PTPRK: variants seen among roughly 807,000 people sequenced by gnomAD.
The protein encoded by PTPRK is receptor-type tyrosine-protein phosphatase kappa.
In PTPRK, 75 loss-of-function variants were observed where a neutral mutation model predicts 178.0. The observed-to-expected ratio is 0.42, with a 90% confidence interval of 0.35 to 0.51. PTPRK has a LOEUF of 0.51. PTPRK is among the 20% of genes least tolerant of loss of function. PTPRK has a pLI of 0.02. For synonymous variants in PTPRK, 637 were observed against 620.6 expected (o/e 1.03, Z -0.39); for missense variants, 1,441 against 1,797.8 (o/e 0.80, Z 3.59).
In PTPRK at chr6:128,071,671, CT is replaced by C. The variant is rs796286472; in HGVS notation, c.1884-3880del. On this transcript the variant is annotated intron_variant, in intron 11 of 29. Coordinates refer to ENST00000368226, the MANE Select transcript of PTPRK (RefSeq NM_002844.4). The stretch of plus-strand genomic sequence containing the variant: ...CATCACTTTGTGCATCTATTTCTAC[CT>C]TTTTTCATGCCCATTGAAGAGGCAT... Among the ~76,000 whole-genome samples, 12 of 152,068 alleles carry C rather than the reference CT, an allele frequency of 7.9e-5. No homozygotes were observed. In the East Asian group the frequency reaches 2.1e-3, roughly 27 times the overall value.
At chr6:128,012,902 C>A (rs566123513) in intron 13 of PTPRK, among the ~76,000 whole-genome samples, 1 of 151,168 alleles carries the variant, frequency 6.6e-6, no homozygotes, top group South Asian at 2.1e-4. Context: ...CAAATCCTCC[C>A]GGCATTTCAT....
At chr6:128,278,026 A>G (rs1371839457) in intron 3 of PTPRK, among the ~76,000 whole-genome samples, 3 of 152,208 alleles carry the variant, frequency 2.0e-5, no homozygotes, top group African/African-American at 7.2e-5. Context: ...GTGAAATTCT[A>G]TTGACATTTT....
intron 21 of PTPRK, among the ~76,000 whole-genome samples, chr6:127,988,432 T>C (rs1248848150): frequency 3.3e-5 from 5 of 151,682 alleles, no homozygotes; most frequent in Admixed American, 6.6e-5. Flanking sequence ...GCCTTCCAAG[T>C]ACATTATGCT....
At chr6:128,054,407 T>C (rs914237444) in intron 13 of PTPRK, among the ~76,000 whole-genome samples, 3 of 152,256 alleles carry the variant, frequency 2.0e-5, no homozygotes, top group Non-Finnish European at 4.4e-5. Context: ...ATGTCTCACA[T>C]GTACTTTACT....
chr6:128,486,536 G>T (rs1193222347), intron 1 of PTPRK, among the ~76,000 whole-genome samples: 3 of 152,144 alleles, frequency 2.0e-5, no homozygotes, highest in Non-Finnish European at 4.4e-5. Context: ...AGGCAAGGTG[G>T]TTCATGCCTG....
At chr6:128,431,170 T>G (rs1844794246) in intron 1 of PTPRK, among the ~76,000 whole-genome samples, 1 of 152,028 alleles carries the variant, frequency 6.6e-6, no homozygotes, top group African/African-American at 2.4e-5. Flanking sequence ...ACTCCAGACC[T>G]CAAGTGATCC....
intron 3 of PTPRK, among the ~76,000 whole-genome samples, chr6:128,270,383 T>C (rs1374886765): frequency 1.3e-5 from 2 of 152,086 alleles, no homozygotes; most frequent in Non-Finnish European, 2.9e-5. Flanking sequence ...TTAAATAGAA[T>C]TCCAAATGCT....
At chr6:128,157,439 T>C (rs1798093694) in intron 7 of PTPRK, among the ~76,000 whole-genome samples, 1 of 152,012 alleles carries the variant, frequency 6.6e-6, no homozygotes, top group African/African-American at 2.4e-5. Context: ...CACAAACCTA[T>C]AAAGAATAAC....
intron 1 of PTPRK, among the ~76,000 whole-genome samples, chr6:128,408,991 TC>T (rs1299690247): frequency 6.6e-6 from 1 of 152,076 alleles, no homozygotes; most frequent in African/African-American, 2.4e-5. Flanking sequence ...AATAAAAAGA[TC>T]CAAATATGTT....
rs1245693340 is a variant in PTPRK, at chr6:128,058,329, T to C, written c.2194+6429A>G. Among the ~76,000 whole-genome samples the C allele has an allele frequency of 2.6e-5, 4 of 152,218 alleles. No homozygotes were observed. In the East Asian group the frequency reaches 7.7e-4, roughly 29 times the overall value. On this transcript the variant is annotated intron_variant, in intron 13 of 29. Coordinates refer to ENST00000368226, the MANE Select transcript of PTPRK (RefSeq NM_002844.4). ...ACATCCTTCTTAAGACTTGGTATTT[T>C]CTACACTTTTTCATTTTACTAATTT...
chr6:128,083,669 A>G, intron 9 of PTPRK, 46 bp downstream of exon 9: 2 of 1,176,700 alleles, frequency 1.7e-6, no homozygotes, highest in Admixed American at 2.1e-5. Flanking sequence ...TCTTCCTTTT[A>G]GTCCTTCAAT....
At chr6:128,494,645 G>A (rs1413260572) in intron 1 of PTPRK, among the ~76,000 whole-genome samples, 4 of 152,234 alleles carry the variant, frequency 2.6e-5, no homozygotes, top group Non-Finnish European at 4.4e-5. Flanking sequence ...TTATCTTGAC[G>A]CTTTGGGAAG....
chr6:128,124,446 C>T (rs1417681628), intron 7 of PTPRK, among the ~76,000 whole-genome samples: 2 of 152,160 alleles, frequency 1.3e-5, no homozygotes, highest in Non-Finnish European at 2.9e-5. Context: ...ATTCACATTT[C>T]TGCCATGTAA....
At chr6:128,486,528 G>T (rs1852912293) in intron 1 of PTPRK, among the ~76,000 whole-genome samples, 1 of 152,156 alleles carries the variant, frequency 6.6e-6, no homozygotes, top group Non-Finnish European at 1.5e-5. Flanking sequence ...ATATGGCCAG[G>T]CAAGGTGGTT....
chr6:128,278,077 G>A (rs998870256), intron 3 of PTPRK, among the ~76,000 whole-genome samples: 4 of 151,952 alleles, frequency 2.6e-5, no homozygotes, highest in Admixed American at 2.0e-4. Flanking sequence ...AAAGCTAGTA[G>A]TACCATAAAA....
intron 1 of PTPRK, among the ~76,000 whole-genome samples, chr6:128,457,072 G>T (rs1010859761): frequency 6.6e-6 from 1 of 151,942 alleles, no homozygotes; most frequent in Non-Finnish European, 1.5e-5. Flanking sequence ...CAATGTTTCC[G>T]CATTATGACT....
chr6:128,170,225 G>C (rs1216815418), intron 7 of PTPRK, among the ~76,000 whole-genome samples: 1 of 151,994 alleles, frequency 6.6e-6, no homozygotes, highest in African/African-American at 2.4e-5. Context: ...TGTTGGGGAT[G>C]AGTTAAAACT....
rs946808362 is a variant in PTPRK, at chr6:128,447,571, G to A, written c.101-49883C>T. Among the ~76,000 whole-genome samples, 33 of 151,790 alleles carry A rather than the reference G, an allele frequency of 2.2e-4. 1 individual carries two copies. The highest frequency in any genetic ancestry group is 4.6e-4 in the Admixed American group (7 of 15,242). ...GACCCATGCTTAATCTATTATGAGTGCTTAAAGTAGCGGGAAAGCTGTGGC... is the reference window on the plus strand; with the variant it reads ...GACCCATGCTTAATCTATTATGAGTACTTAAAGTAGCGGGAAAGCTGTGGC... On this transcript the variant is annotated intron_variant, in intron 1 of 29. Transcript: ENST00000368226.
intron 1 of PTPRK, among the ~76,000 whole-genome samples, chr6:128,407,944 A>G (rs1018906879): frequency 1.6e-4 from 24 of 152,186 alleles, no homozygotes; most frequent in African/African-American, 4.8e-4. Flanking sequence ...GAAGTCTGGT[A>G]TCTTCTCTGT....
Sources: gnomAD v4.1 joint callset for allele counts (sites outside exome capture counted in the v4.1 genomes callset) on GRCh38, gnomAD v4.1.1 for gene constraint, MANE v1.5 for transcripts, NCBI Gene and HGNC (gene_info 2026-07-23, HGNC 2026-07-21) for gene names.